GRB10: variants seen among roughly 807,000 people sequenced by gnomAD.
GRB10 encodes growth factor receptor-bound protein 10.
In GRB10, 20 loss-of-function variants were observed where a neutral mutation model predicts 80.9. The observed-to-expected ratio is 0.25, with a 90% CI of 0.17 to 0.36. The LOEUF (loss-of-function observed/expected upper bound fraction) is 0.36, where lower values mean the gene tolerates loss of function less well. GRB10 is among the 10% of genes least tolerant of loss of function. The pLI is 1.00. For missense variants in GRB10, 548 were observed against 747.7 expected, an observed-to-expected ratio of 0.73 and a Z score of 3.12; for synonymous variants, 291 against 291.5, an observed-to-expected ratio of 1.00 and a Z score of 0.02.
intron 15 of GRB10, chr7:50,604,759 T>C: frequency 2.9e-6 from 1 of 345,486 alleles, no homozygotes; most frequent in Non-Finnish European, 5.5e-6. Context: ...CTTTTTCCCA[T>C]CCCCTGAGGC....
intron 9 of GRB10, 24 bp from the exon 10 acceptor site, chr7:50,618,163 T>C (rs372485652): frequency 6.1e-5 from 96 of 1,580,402 alleles, no homozygotes; most frequent in Middle Eastern, 1.7e-4. Context: ...AAAAAACAAA[T>C]ACGTAAAAGG....
At chr7:50,738,896 G>A (rs2071257721) in intron 3 of GRB10, among the ~76,000 whole-genome samples, 1 of 152,150 alleles carries the variant, frequency 6.6e-6, no homozygotes, top group Non-Finnish European at 1.5e-5. Context: ...GCTTGCTGTG[G>A]TGGTTTCACA....
At chr7:50,644,575 C>T (rs17133918) in intron 7 of GRB10, among the ~76,000 whole-genome samples, 40,764 of 152,224 alleles carry the variant, frequency 0.27, 6,676 homozygotes, top group East Asian at 0.49. Flanking sequence ...GACTGATGGG[C>T]ATTCCGTTTC....
intron 4 of GRB10, chr7:50,711,065 T>C: frequency 1.5e-6 from 1 of 681,796 alleles, no homozygotes; most frequent in South Asian, 1.6e-5. Flanking sequence ...GAGAGCAGAA[T>C]GACAGGGATT....
At chr7:50,703,704 G>GA in intron 5 of GRB10, 117 bp downstream of exon 5, 1 of 744,454 alleles carries the variant, frequency 1.3e-6, no homozygotes, top group East Asian at 2.8e-5. Flanking sequence ...GAGAAAAGAA[G>GA]AACCAATGTT....
chr7:50,780,085 C>A (rs2078123367), intron 2 of GRB10, among the ~76,000 whole-genome samples: 1 of 152,180 alleles, frequency 6.6e-6, no homozygotes, highest in African/African-American at 2.4e-5. Flanking sequence ...TTAACCTCTG[C>A]CGGCCGTGAG....
chr7:50,680,365 C>T (rs2061407681), intron 5 of GRB10, among the ~76,000 whole-genome samples: 1 of 152,232 alleles, frequency 6.6e-6, no homozygotes, highest in South Asian at 2.1e-4. Flanking sequence ...CTCTACCCAG[C>T]TCACAAAAGA....
rs932067802 is a variant in GRB10 at position 50,649,482 on chromosome 7, A to G, written c.504+20240T>C. Among the ~76,000 whole-genome samples the G allele has an allele frequency of 2.6e-5, 4 of 152,248 alleles. No individual in the cohort carries two copies. The South Asian group carries it at 8.3e-4, about 31-fold the overall frequency. ...TGTGAGGGACCAAGAAGGCCAGGGC[A>G]GCTAGAACACAGTGACGACACACAC... On this transcript the variant is annotated intron_variant, in intron 7 of 18. Coordinates refer to ENST00000401949, the MANE Select transcript of GRB10 (RefSeq NM_001350814.2).
intron 5 of GRB10, among the ~76,000 whole-genome samples, chr7:50,690,270 T>C (rs2062642524): frequency 6.6e-6 from 1 of 150,912 alleles, no homozygotes; most frequent in Admixed American, 6.6e-5. Flanking sequence ...CACTCCAGCC[T>C]GGGCAACAAG....
At position 50,677,600 on chromosome 7, in the gene GRB10, G is replaced by A. The variant is rs560348848; in HGVS notation, c.140-2942C>T. ...TGGGGCTTCAGGAAAGTTCTAGAAC[G>A]TATGCATCACGCACCCACTCATCTC... On this transcript the variant is annotated intron_variant, in intron 5 of 18. Coordinates refer to ENST00000401949, the MANE Select transcript of GRB10 (RefSeq NM_001350814.2). Among the ~76,000 whole-genome samples, 18 of 152,316 alleles carry A rather than the reference G, an allele frequency of 1.2e-4. No homozygotes were observed. In the South Asian group the frequency reaches 3.5e-3, roughly 30 times the overall value.
intron 7 of GRB10, among the ~76,000 whole-genome samples, chr7:50,632,573 G>A (rs1386437705): frequency 2.0e-5 from 3 of 152,248 alleles, no homozygotes; most frequent in East Asian, 1.9e-4. Flanking sequence ...AGACCCAGAA[G>A]GGTGTGGCCT....
intron 8 of GRB10, among the ~76,000 whole-genome samples, chr7:50,622,613 C>A: frequency 6.6e-6 from 1 of 152,162 alleles, no homozygotes; most frequent in African/African-American, 2.4e-5. Context: ...GATTATCTGA[C>A]CTTAGTATGC....
chr7:50,732,409 A>G, intron 3 of GRB10, 41 bp from the exon 4 acceptor site: 1 of 1,232,840 alleles, frequency 8.1e-7, no homozygotes, highest in South Asian at 1.2e-5. Flanking sequence ...GCCAGAAAAA[A>G]AAAAAAAAAT....
intron 3 of GRB10, among the ~76,000 whole-genome samples, chr7:50,752,031 A>C (rs537669586): frequency 2.0e-5 from 3 of 152,232 alleles, no homozygotes; most frequent in Non-Finnish European, 4.4e-5. Flanking sequence ...AAGGATGCCA[A>C]GGGGCATGAA....
intron 4 of GRB10, among the ~76,000 whole-genome samples, chr7:50,706,099 T>C (rs754517005): frequency 3.3e-5 from 5 of 152,240 alleles, no homozygotes; most frequent in Non-Finnish European, 5.9e-5. Context: ...TATATAAATA[T>C]CTAACCTAGA....
intron 7 of GRB10, among the ~76,000 whole-genome samples, chr7:50,655,114 G>A (rs949552297): frequency 2.0e-5 from 3 of 152,108 alleles, no homozygotes; most frequent in African/African-American, 4.8e-5. Context: ...CTCAAAACCC[G>A]AGGTCATTCT....
intron 7 of GRB10, among the ~76,000 whole-genome samples, chr7:50,665,038 T>C (rs1166897280): frequency 6.6e-6 from 1 of 152,194 alleles, no homozygotes; most frequent in African/African-American, 2.4e-5. Context: ...TAAAATTAAA[T>C]GCCATTTAAT....
intron 7 of GRB10, among the ~76,000 whole-genome samples, chr7:50,647,380 T>C (rs2057351686): frequency 6.6e-6 from 1 of 152,214 alleles, no homozygotes; most frequent in Non-Finnish European, 1.5e-5. Flanking sequence ...TTTTCAGATT[T>C]GAGTCAGATT....
At chr7:50,792,237 C>T (rs2078948681) in intron 1 of GRB10, among the ~76,000 whole-genome samples, 1 of 151,768 alleles carries the variant, frequency 6.6e-6, no homozygotes. Context: ...TGGTCTTTCC[C>T]CCCTCCCCCC....
Sources: gnomAD v4.1 joint callset for allele counts (sites outside exome capture counted in the v4.1 genomes callset) on GRCh38, gnomAD v4.1.1 for gene constraint, MANE v1.5 for transcripts, NCBI Gene and HGNC (gene_info 2026-07-23, HGNC 2026-07-21) for gene names.